Variants in TM9SF2 observed in about 807,000 individuals in gnomAD.
TM9SF2 encodes the protein transmembrane 9 superfamily member 2, also known as 76 kDa membrane protein.
Under a neutral mutation model 84.9 loss-of-function variants are expected in TM9SF2, and 13 were observed. The observed-to-expected ratio is 0.15, with a 90% CI of 0.10 to 0.24. The LOEUF is 0.24. TM9SF2 is among the 10% of genes least tolerant of loss of function. The probability of loss-of-function intolerance (pLI) is 1.00; values close to 1 mark genes in which losing one functional copy is unlikely to be tolerated. For synonymous variants in TM9SF2, 273 were observed against 285.8 expected (o/e 0.96, Z 0.45); for missense variants, 562 against 818.5 (o/e 0.69, Z 3.82).
At chr13:99,508,443 ACC>A (rs61347104) in intron 1 of TM9SF2, among the ~76,000 whole-genome samples, 1 of 147,448 alleles carries the variant, frequency 6.8e-6, no homozygotes, top group African/African-American at 2.5e-5. Context: ...ACACACACAC[ACC>A]CCAGAGATTC....
chr13:99,510,199 C>A (rs1469659933), intron 1 of TM9SF2, among the ~76,000 whole-genome samples: 1 of 152,178 alleles, frequency 6.6e-6, no homozygotes, highest in African/African-American at 2.4e-5. Context: ...ACTTTACTGT[C>A]CATATCACTA....
intron 1 of TM9SF2, among the ~76,000 whole-genome samples, chr13:99,510,744 A>G (rs1283585634): frequency 6.6e-6 from 1 of 152,236 alleles, no homozygotes; most frequent in Non-Finnish European, 1.5e-5. Context: ...CCAACACTGG[A>G]GAATACAATT....
intron 1 of TM9SF2, among the ~76,000 whole-genome samples, 194 bp from the exon 2 acceptor site, chr13:99,517,411 CACCATTCCT>C (rs2046139442): frequency 6.6e-6 from 1 of 152,208 alleles, no homozygotes; most frequent in South Asian, 2.1e-4. Context: ...AGGTGTGAGC[CACCATTCCT>C]GGCCTTACTT....
chr13:99,528,136 A>G (rs1244781033), intron 3 of TM9SF2, among the ~76,000 whole-genome samples: 2 of 152,252 alleles, frequency 1.3e-5, no homozygotes, highest in Non-Finnish European at 2.9e-5. Context: ...AAAAATCCTT[A>G]GCAAAACATA....
chr13:99,560,492 A>G (rs2139115740), intron 16 of TM9SF2, among the ~76,000 whole-genome samples: 1 of 152,312 alleles, frequency 6.6e-6, no homozygotes, highest in South Asian at 2.1e-4. Context: ...TCTATAAAAC[A>G]GCAGTAGCCA....
Position 99,541,577 on chromosome 13 carries a change from C to A in TM9SF2, c.927C>A (p.Val309=). The A allele has an allele frequency of 6.2e-7, 1 of 1,612,304 alleles. No homozygotes were observed. The highest frequency in any genetic ancestry group is 1.1e-5 in the South Asian group (1 of 90,822). The change falls in exon 9 of 17, where the codon GTC becomes GTA. Residue 309 remains valine, a synonymous_variant. Transcript: ENST00000376387. The stretch of plus-strand genomic sequence containing the variant: ...TCTACAGCATTATGAATTCCCTGGT[C>A]ATTGTTCTCTTCTTATCTGGAATGG... ...IQWFSIMNSL[V]IVLFLSGMVA...
intron 6 of TM9SF2, among the ~76,000 whole-genome samples, chr13:99,539,209 CAA>C (rs869184030): frequency 3.0e-5 from 3 of 99,758 alleles, no homozygotes; most frequent in Non-Finnish European, 2.2e-5. Flanking sequence ...GACCCTGTCC[CAA>C]AAAAAAAAAA....
At chr13:99,553,098 T>G (rs2046312500) in intron 13 of TM9SF2, among the ~76,000 whole-genome samples, 3 of 152,244 alleles carry the variant, frequency 2.0e-5, no homozygotes, top group Admixed American at 2.0e-4. Context: ...TCTCTCACTT[T>G]GCTGCCCACT....
chr13:99,511,568 T>C (rs1042905202), intron 1 of TM9SF2, among the ~76,000 whole-genome samples: 7 of 152,212 alleles, frequency 4.6e-5, no homozygotes, highest in African/African-American at 9.6e-5. Context: ...TGTGTTAAGG[T>C]TGACTTTAAT....
rs901170726 is a variant in TM9SF2 at position 99,552,153 on chromosome 13, G to A, written c.1329-14G>A. The A allele has an allele frequency of 2.5e-6, 4 of 1,610,218 alleles. No individual in the cohort carries two copies. Among genetic ancestry groups the A allele is most frequent in the East Asian group, 4.5e-5 (2 of 44,798 alleles). ...TATCTCTGGTTTTACCCAAAAGCCT[G>A]TTGTGTCTTTCAGGATTGTATTTGC... On this transcript the variant is annotated splice_polypyrimidine_tract_variant and intron_variant, in intron 12 of 16. Coordinates refer to ENST00000376387, the MANE Select transcript of TM9SF2 (RefSeq NM_004800.3).
chr13:99,536,777 G>A, intron 5 of TM9SF2, 40 bp downstream of exon 5: 2 of 1,604,902 alleles, frequency 1.2e-6, no homozygotes, highest in East Asian at 4.5e-5. Flanking sequence ...TTTAAAACAT[G>A]GCTTTTGATA....
intron 10 of TM9SF2, among the ~76,000 whole-genome samples, chr13:99,545,432 A>G (rs1451600419): frequency 6.6e-6 from 1 of 152,224 alleles, no homozygotes; most frequent in East Asian, 1.9e-4. Context: ...GTTAAGTCAT[A>G]CTAAAGAGAA....
chr13:99,521,490 C>A (rs547920705), intron 3 of TM9SF2, among the ~76,000 whole-genome samples: 1 of 152,254 alleles, frequency 6.6e-6, no homozygotes, highest in Non-Finnish European at 1.5e-5. Context: ...GAGGCACCCC[C>A]ATCTCCCTCG....
chr13:99,507,677 C>T (rs879443690), intron 1 of TM9SF2, among the ~76,000 whole-genome samples: 7 of 152,274 alleles, frequency 4.6e-5, no homozygotes, highest in Middle Eastern at 3.4e-3. Flanking sequence ...TTAAGACTTC[C>T]CTTCTTCAGG....
intron 8 of TM9SF2, among the ~76,000 whole-genome samples, 179 bp from the exon 9 acceptor site, chr13:99,541,380 T>TA (rs2046259014): frequency 6.6e-6 from 1 of 152,238 alleles, no homozygotes; most frequent in African/African-American, 2.4e-5. Context: ...ATAATGTTAT[T>TA]TATCTACTGG....
At chr13:99,525,981 G>T (rs1430586019) in intron 3 of TM9SF2, among the ~76,000 whole-genome samples, 1 of 152,242 alleles carries the variant, frequency 6.6e-6, no homozygotes, top group African/African-American at 2.4e-5. Flanking sequence ...GGCAAGAAGG[G>T]ATGGGACCTA....
At chr13:99,536,775 A>G in intron 5 of TM9SF2, 38 bp downstream of exon 5, 1 of 1,606,212 alleles carries the variant, frequency 6.2e-7, no homozygotes, top group Non-Finnish European at 8.5e-7. Context: ...TTTTTAAAAC[A>G]TGGCTTTTGA....
intron 16 of TM9SF2, among the ~76,000 whole-genome samples, chr13:99,562,192 A>G (rs900578560): frequency 6.6e-6 from 1 of 152,184 alleles, no homozygotes; most frequent in African/African-American, 2.4e-5. Flanking sequence ...TTTTGTTACT[A>G]TCTAATCATG....
In TM9SF2 at chr13:99,541,603, T is replaced by C; in HGVS notation, c.953T>C (p.Val318Ala). 6.2e-7 allele frequency: 1 copy of C among 1,613,448 alleles called. No homozygotes were observed. The highest frequency in any genetic ancestry group is 8.5e-7 in the Non-Finnish European group (1 of 1,179,634). Reference sequence around the variant, plus strand: ...ATTGTTCTCTTCTTATCTGGAATGGTAGCTATGATTATGTTACGGACACTG... The same window carrying C: ...ATTGTTCTCTTCTTATCTGGAATGGCAGCTATGATTATGTTACGGACACTG... ...LVIVLFLSGM[V>A]AMIMLRTLHK... Residue 318 changes from valine (V) to alanine (A), a missense_variant, in exon 9 of 17, where the codon GTA (valine) becomes GCA (alanine). By Grantham distance (64) the Val-to-Ala change is moderately conservative. Coordinates refer to ENST00000376387, the MANE Select transcript of TM9SF2 (RefSeq NM_004800.3).
Sources: gnomAD v4.1 joint callset for allele counts (sites outside exome capture counted in the v4.1 genomes callset) on GRCh38, gnomAD v4.1.1 for gene constraint, MANE v1.5 for transcripts, NCBI Gene and HGNC (gene_info 2026-07-23, HGNC 2026-07-21) for gene names.